The following NBPF8 variants were observed in gnomAD, a reference collection of about 807,000 sequenced individuals.
The protein encoded by NBPF8 is NBPF family member NBPF8.
At chr1:120,436,092 T>C (rs1444587332), upstream of NBPF8, among the ~76,000 whole-genome samples, 1 of 151,688 alleles carries the variant, frequency 6.6e-6, no homozygotes, top group East Asian at 1.9e-4. Context: ...GAGTGAATGC[T>C]GAAGGAATGA....
chr1:120,452,209 A>C, exon 13 of NBPF8: 1 of 1,279,076 alleles, frequency 7.8e-7, no homozygotes, highest in Non-Finnish European at 1.1e-6. Context: ...CTCTCATTGA[A>C]TGAGCATCTC....
chr1:120,427,389 GT>G (rs1340848798), intron 2 of NBPF8, among the ~76,000 whole-genome samples: 4 of 143,494 alleles, frequency 2.8e-5, no homozygotes, highest in Non-Finnish European at 6.1e-5. Flanking sequence ...AACCATTAAT[GT>G]ATGAAGGTGA....
chr1:120,452,634 A>C (rs1362993549), intron 13 of NBPF8, among the ~76,000 whole-genome samples: 2 of 152,256 alleles, frequency 1.3e-5, no homozygotes, highest in Non-Finnish European at 2.9e-5. Context: ...TTAGAGTGAA[A>C]AGAGCTCTGG....
exon 1 of NBPF8, chr1:120,436,471 G>T: frequency 1.6e-6 from 2 of 1,241,074 alleles, no homozygotes; most frequent in South Asian, 1.2e-5. Context: ...TCATATGTTT[G>T]GGTTTCTTCT....
At chr1:120,429,956 AT>A (rs1362598309) in intron 3 of NBPF8, among the ~76,000 whole-genome samples, 2 of 150,470 alleles carry the variant, frequency 1.3e-5, no homozygotes, top group Non-Finnish European at 2.9e-5. Flanking sequence ...CAGTAAAAGC[AT>A]TTGGCAAAAT....
chr1:120,425,517 C>A (rs1660698363), intron 1 of NBPF8, among the ~76,000 whole-genome samples: 1 of 152,180 alleles, frequency 6.6e-6, no homozygotes, highest in Non-Finnish European at 1.5e-5. Context: ...CCACATCCCC[C>A]TCTCTGGAAA....
At chr1:120,460,970 T>C (rs1454851318) in intron 18 of NBPF8, among the ~76,000 whole-genome samples, 1 of 151,774 alleles carries the variant, frequency 6.6e-6, no homozygotes, top group East Asian at 1.9e-4. Flanking sequence ...GAGTGTCCTT[T>C]GACTCCCTCA....
chr1:120,449,736 C>T (rs1556606469), intron 11 of NBPF8, among the ~76,000 whole-genome samples: 2 of 152,140 alleles, frequency 1.3e-5, no homozygotes, highest in African/African-American at 4.8e-5. Flanking sequence ...AGACAAATAA[C>T]ATCTAGTCTG....
chr1:120,442,728 C>T, intron 5 of NBPF8: 1 of 64,464 alleles, frequency 1.6e-5, no homozygotes, highest in East Asian at 1.4e-4. Flanking sequence ...ACCAGGGAAA[C>T]ATCATCTTCA....
At chr1:120,431,760 C>T (rs1374732052), upstream of NBPF8, among the ~76,000 whole-genome samples, 1 of 151,906 alleles carries the variant, frequency 6.6e-6, no homozygotes, top group African/African-American at 2.4e-5. Context: ...GACAGTCATT[C>T]CATTCCTAGG....
chr1:120,454,521 G>A (rs1383517887), intron 15 of NBPF8, among the ~76,000 whole-genome samples: 4 of 152,056 alleles, frequency 2.6e-5, no homozygotes, highest in African/African-American at 4.8e-5. Context: ...AGGCTTCACT[G>A]CTCTCAGCTT....
At chr1:120,462,123 G>C in intron 19 of NBPF8, 23 bp from the exon 18 acceptor site, 1 of 374,924 alleles carries the variant, frequency 2.7e-6, no homozygotes, top group Non-Finnish European at 4.7e-6. Context: ...TAATATGTCT[G>C]TCCATGTCTG....
At chr1:120,419,112 C>T (rs1346567507), upstream of NBPF8, among the ~76,000 whole-genome samples, 6 of 152,004 alleles carry the variant, frequency 3.9e-5, no homozygotes, top group Admixed American at 3.9e-4. Flanking sequence ...ATACTAATAC[C>T]ATATTCAACA....
Position 120,460,800 on chromosome 1 carries a change from CCTA to C in NBPF8, n.2836+178_2836+180del, listed in dbSNP as rs1227928023. Among the ~76,000 whole-genome samples the C allele has an allele frequency of 4.8e-4, 73 of 152,042 alleles. 1 individual carries two copies. The highest frequency in any genetic ancestry group is 8.2e-4 in the Non-Finnish European group (56 of 67,998). On this transcript the variant is annotated intron_variant and non_coding_transcript_variant, in intron 18 of 24. Transcript: ENST00000583271. ...GTAAATGTTTAGGTTTCCATTTCTT[CCTA>C]CCCTTATCATTTACTAACCTAGTGA...
intron 20 of NBPF8, among the ~76,000 whole-genome samples, 177 bp downstream of exon 18, chr1:120,462,374 T>C (rs1661616145): frequency 6.7e-6 from 1 of 149,612 alleles, no homozygotes; most frequent in Admixed American, 6.6e-5. Context: ...TTCCTCCCCT[T>C]ATCATTTACT....
At chr1:120,429,476 T>G (rs1570929874) in intron 3 of NBPF8, among the ~76,000 whole-genome samples, 1 of 152,168 alleles carries the variant, frequency 6.6e-6, no homozygotes, top group African/African-American at 2.4e-5. Context: ...CTCCCTGCTG[T>G]CAGAACAACA....
intron 1 of NBPF8, among the ~76,000 whole-genome samples, chr1:120,425,385 G>T (rs1292633202): frequency 6.6e-6 from 1 of 152,052 alleles, no homozygotes; most frequent in Non-Finnish European, 1.5e-5. Context: ...AAGGCATTGA[G>T]ATGTTTCTGT....
chr1:120,419,280 T>C (rs1334835888), upstream of NBPF8, among the ~76,000 whole-genome samples: 2 of 152,196 alleles, frequency 1.3e-5, no homozygotes, highest in East Asian at 3.8e-4. Context: ...TAGCATAACC[T>C]AGCGAAAGCT....
chr1:120,466,169 C>A (rs1175285760), exon 25 of NBPF8: 48 of 1,609,590 alleles, frequency 3.0e-5, no homozygotes, highest in Non-Finnish European at 4.0e-5. Flanking sequence ...TTTACTTTGA[C>A]GGTGACAAGT....
Sources: allele counts gnomAD v4.1 joint callset (sites outside exome capture counted in the v4.1 genomes callset), GRCh38; gene constraint gnomAD v4.1.1; transcripts MANE v1.5; gene names NCBI Gene and HGNC (gene_info 2026-07-23, HGNC 2026-07-21).